PANK1: variants seen among roughly 807,000 people sequenced by gnomAD.
PANK1 encodes the protein pantothenate kinase 1, also known as pantothenic acid kinase 1.
PANK1 carries 18 observed loss-of-function variants against 40.1 expected under a neutral mutation model. The ratio of observed to expected loss-of-function variants is 0.45; its 90% CI spans 0.31 to 0.67. The LOEUF is 0.67. Among genes scored for constraint, PANK1 ranks in the 30% least tolerant of loss-of-function variants. The pLI, the probability that PANK1 is intolerant of heterozygous loss-of-function variation, is 0.06. For missense variants in PANK1, 457 were observed against 599.6 expected (o/e 0.76, Z 2.48); for synonymous variants, 242 against 237.7 (o/e 1.02, Z -0.17).
At position 89,630,646 on chromosome 10, in the gene PANK1, C is replaced by T. The variant is rs184697748; in HGVS notation, c.292+13954G>A. ...TAGCTGAGACTACAGGCACCCGTCA[C>T]CTCGCCCGGCTAATTTTTTGTATTT... On this transcript the variant is annotated intron_variant, in intron 1 of 6. Coordinates refer to ENST00000307534, the MANE Select transcript of PANK1 (RefSeq NM_148977.3). 7.2e-3 allele frequency among the ~76,000 whole-genome samples: 1,090 copies of T among 152,166 alleles called. 12 individuals are homozygous for T. Among genetic ancestry groups the T allele is most frequent in the Middle Eastern group, 0.027 (8 of 292 alleles).
chr10:89,592,893 C>G (rs17481096), intron 5 of PANK1: 1 of 533,480 alleles, frequency 1.9e-6, no homozygotes, highest in Non-Finnish European at 3.7e-6. Context: ...AGACCTTTTC[C>G]TCACATTTCA....
chr10:89,643,690 T>C lies in PANK1; in HGVS notation c.292+910A>G, dbSNP rs755505987. On this transcript the variant is annotated intron_variant, in intron 1 of 6. Coordinates refer to ENST00000307534, the MANE Select transcript of PANK1 (RefSeq NM_148977.3). The stretch of plus-strand genomic sequence containing the variant: ...TGCAGTCATTTATTAGCATTTACTG[T>C]ACTTACTTTGCTTTTTGCCATTTAT... The C allele has an allele frequency of 5.6e-6, 9 of 1,605,068 alleles. No homozygotes were observed. The Middle Eastern group carries it at 6.6e-4, about 118-fold the overall frequency.
chr10:89,602,126 G>A lies in PANK1; in HGVS notation c.646-2621C>T, dbSNP rs75261181. Among the ~76,000 whole-genome samples, 326 of 152,280 alleles carry A rather than the reference G, an allele frequency of 2.1e-3. 3 individuals are homozygous for A. Among genetic ancestry groups the A allele is most frequent in the Middle Eastern group, 6.8e-3 (2 of 294 alleles). On this transcript the variant is annotated intron_variant, in intron 2 of 6. Coordinates refer to ENST00000307534, the MANE Select transcript of PANK1 (RefSeq NM_148977.3). ...GTTAACTGCTTAAAAATTAATCAGA[G>A]GTTCATCAACAATATTGACAGCCAA... is the stretch of plus-strand genomic sequence containing the variant.
chr10:89,640,982 G>A (rs1366961246), intron 1 of PANK1, among the ~76,000 whole-genome samples: 1 of 152,174 alleles, frequency 6.6e-6, no homozygotes, highest in Non-Finnish European at 1.5e-5. Context: ...TTGGACACTG[G>A]ACACTTGGGC....
intron 2 of PANK1, among the ~76,000 whole-genome samples, chr10:89,606,071 T>C (rs1400109368): frequency 6.6e-6 from 1 of 152,232 alleles, no homozygotes; most frequent in Non-Finnish European, 1.5e-5. Context: ...AAATATTTAG[T>C]AAACCATGTT....
intron 6 of PANK1, among the ~76,000 whole-genome samples, chr10:89,587,273 T>C (rs1373691349): frequency 6.6e-6 from 1 of 152,252 alleles, no homozygotes; most frequent in Non-Finnish European, 1.5e-5. Context: ...TCTTACCAGC[T>C]GAATTGCTTA....
chr10:89,597,363 T>C (rs1263674699), intron 3 of PANK1, among the ~76,000 whole-genome samples: 1 of 152,138 alleles, frequency 6.6e-6, no homozygotes, highest in African/African-American at 2.4e-5. Context: ...TTCCCCTCCC[T>C]TCTCGTGGTA....
chr10:89,643,757 T>A (rs894765858), intron 1 of PANK1: 5 of 1,613,056 alleles, frequency 3.1e-6, no homozygotes, highest in Non-Finnish European at 4.2e-6. Context: ...ACCAGTTGAA[T>A]GAGCTTCAGT....
intron 5 of PANK1, chr10:89,592,639 C>T: frequency 2.1e-6 from 1 of 477,448 alleles, no homozygotes; most frequent in Non-Finnish European, 4.3e-6. Context: ...CAATTTTTTC[C>T]AAACGAATCT....
chr10:89,645,101 CCACGGCGCCGGCCT>C lies in PANK1; in HGVS notation c.-224_-211del. The C allele has an allele frequency of 6.8e-7, 1 of 1,471,114 alleles. No individual in the cohort carries two copies. Among genetic ancestry groups the C allele is most frequent in the Non-Finnish European group, 8.9e-7 (1 of 1,118,208 alleles). 91.1% of individuals were successfully genotyped at this position (1,471,114 alleles called of 1,614,324 possible). On this transcript the variant is annotated 5_prime_UTR_variant, in exon 1 of 7. Coordinates refer to ENST00000307534, the MANE Select transcript of PANK1 (RefSeq NM_148977.3). Reference sequence around the variant, plus strand: ...GCGCCCTGCCCCCCGCGCGCCGGCCCCACGGCGCCGGCCTGGAGCACGCCAGCCCCGGGCGCGGA... The same window carrying C: ...GCGCCCTGCCCCCCGCGCGCCGGCCCGGAGCACGCCAGCCCCGGGCGCGGA...
chr10:89,592,761 G>A (rs1424344741), intron 5 of PANK1: 6 of 535,186 alleles, frequency 1.1e-5, no homozygotes. Flanking sequence ...TGCTTTGATA[G>A]CCCTGTACAA....
intron 1 of PANK1, chr10:89,643,669 G>A: frequency 6.5e-7 from 1 of 1,532,746 alleles, no homozygotes; most frequent in Non-Finnish European, 9.0e-7. Flanking sequence ...TGCAAATGCA[G>A]TCATTTATTA....
intron 1 of PANK1, among the ~76,000 whole-genome samples, chr10:89,638,050 CCCA>C (rs765139329): frequency 9.9e-5 from 15 of 152,108 alleles, no homozygotes; most frequent in Non-Finnish European, 2.1e-4. Flanking sequence ...CACATCTTGT[CCCA>C]CTAGAAGGTA....
At chr10:89,601,309 T>TAAAA (rs11317815) in intron 2 of PANK1, among the ~76,000 whole-genome samples, 4 of 52,662 alleles carry the variant, frequency 7.6e-5, no homozygotes, top group South Asian at 1.9e-3. Flanking sequence ...ACCCATCTCT[T>TAAAA]AAAAAAAAAA....
chr10:89,582,125 T>C (rs1844062714), downstream of PANK1: 1 of 152,220 alleles, frequency 6.6e-6, no homozygotes, highest in South Asian at 2.1e-4. Context: ...TCCCATTTTA[T>C]AGGTGAGGAA....
rs750464912 is a variant in PANK1, at chr10:89,593,323, ATGTTGGAAATAT to A, written c.1077-15_1077-4del. 6.2e-7 allele frequency: 1 copy of A among 1,613,246 alleles called. No homozygotes were observed. The highest frequency in any genetic ancestry group is 8.5e-7 in the Non-Finnish European group (1 of 1,179,650). ...CTTTACTCATCATGTTGCCAAAGCT[ATGTTGGAAATAT>A]CAGCGAGAGTGTTCAAAATCGTCCT... On this transcript the variant is annotated splice_polypyrimidine_tract_variant and splice_region_variant and intron_variant, in intron 4 of 6. Transcript: ENST00000307534.
chr10:89,644,321 C>CTTA (rs1842048300), intron 1 of PANK1, among the ~76,000 whole-genome samples: 1 of 152,216 alleles, frequency 6.6e-6, no homozygotes, highest in African/African-American at 2.4e-5. Flanking sequence ...AGAGCGTTCG[C>CTTA]TTATTATATA....
chr10:89,640,950 T>C (rs1018591210), intron 1 of PANK1, among the ~76,000 whole-genome samples: 1 of 152,248 alleles, frequency 6.6e-6, no homozygotes, highest in African/African-American at 2.4e-5. Context: ...GTATGCTTAA[T>C]AGAATCCTGA....
chr10:89,580,943 C>T (rs1844040536), downstream of PANK1: 1 of 152,260 alleles, frequency 6.6e-6, no homozygotes, highest in South Asian at 2.1e-4. Flanking sequence ...CTCCCCTTCT[C>T]ATTTTTCTGA....
Sources: gnomAD v4.1 joint callset for allele counts (sites outside exome capture counted in the v4.1 genomes callset) on GRCh38, gnomAD v4.1.1 for gene constraint, MANE v1.5 for transcripts, NCBI Gene and HGNC (gene_info 2026-07-23, HGNC 2026-07-21) for gene names.